The following FHIT variants were observed in gnomAD, a reference collection of about 807,000 sequenced individuals.
FHIT encodes bis(5'-adenosyl)-triphosphatase.
Under a neutral mutation model 17.9 loss-of-function variants are expected in FHIT, and 19 were observed. The ratio of observed to expected loss-of-function variants is 1.06; its 90% CI spans 0.74 to 1.56. The LOEUF (loss-of-function observed/expected upper bound fraction) is 1.56, where lower values mean the gene tolerates loss of function less well. FHIT is among the 40% of genes most tolerant of loss of function. The pLI, the probability that FHIT is intolerant of heterozygous loss-of-function variation, is 0.00. For synonymous variants in FHIT, 81 were observed against 69.7 expected (o/e 1.16, Z -0.81); for missense variants, 248 against 189.2 (o/e 1.31, Z -1.82).
chr3:60,792,576 T>C (rs1377686271), intron 4 of FHIT, among the ~76,000 whole-genome samples: 1 of 152,234 alleles, frequency 6.6e-6, no homozygotes, highest in African/African-American at 2.4e-5. Context: ...AGCAGACCTG[T>C]TGCCAGTGAG....
intron 4 of FHIT, among the ~76,000 whole-genome samples, chr3:60,746,975 T>C (rs782374565): frequency 6.6e-6 from 1 of 152,186 alleles, no homozygotes; most frequent in East Asian, 1.9e-4. Flanking sequence ...TTATTGAACC[T>C]ACCAGATGTA....
intron 8 of FHIT, among the ~76,000 whole-genome samples, chr3:59,839,323 A>G (rs929393576): frequency 1.3e-4 from 19 of 151,948 alleles, no homozygotes; most frequent in Admixed American, 6.6e-5. Flanking sequence ...ATTTTCAAAA[A>G]AAAAAAAACA....
intron 5 of FHIT, among the ~76,000 whole-genome samples, chr3:60,202,019 C>A (rs935703977): frequency 5.9e-5 from 9 of 152,074 alleles, no homozygotes; most frequent in Admixed American, 1.3e-4. Context: ...ACTCCAGGAA[C>A]AAAGAGGAGA....
intron 5 of FHIT, among the ~76,000 whole-genome samples, chr3:60,290,171 C>T (rs1378109765): frequency 1.3e-5 from 2 of 152,042 alleles, no homozygotes; most frequent in Non-Finnish European, 2.9e-5. Flanking sequence ...AGCACATACC[C>T]TAAGCTAGAA....
At chr3:60,522,273 GC>G (rs2107568053) in intron 5 of FHIT, among the ~76,000 whole-genome samples, 1 of 152,110 alleles carries the variant, frequency 6.6e-6, no homozygotes, top group African/African-American at 2.4e-5. Context: ...AGCACACCTG[GC>G]TAAGTTTTGC....
intron 5 of FHIT, among the ~76,000 whole-genome samples, chr3:60,462,729 A>C (rs1012766073): frequency 1.3e-5 from 2 of 152,172 alleles, no homozygotes; most frequent in African/African-American, 4.8e-5. Flanking sequence ...GCGGACAAGG[A>C]AAGACAGGAA....
intron 5 of FHIT, among the ~76,000 whole-genome samples, chr3:60,172,638 G>C (rs889159228): frequency 2.6e-5 from 4 of 151,966 alleles, no homozygotes; most frequent in African/African-American, 9.7e-5. Flanking sequence ...AAAAATGTTG[G>C]GAAAACGGAA....
Position 61,223,597 on chromosome 3 carries a change from A to G in FHIT, c.-212-22932T>C, listed in dbSNP as rs150078575. On this transcript the variant is annotated intron_variant, in intron 1 of 9. Transcript: ENST00000492590. The stretch of plus-strand genomic sequence containing the variant: ...AAACATTTTTGCAAGGCATCCAATA[A>G]TGTGCAAAGTACACAAGAGTTGGAA... Among the ~76,000 whole-genome samples the G allele has an allele frequency of 8.5e-5, 13 of 152,330 alleles. No individual in the cohort carries two copies. In the South Asian group the frequency reaches 2.7e-3, roughly 32 times the overall value.
Position 60,536,708 on chromosome 3 carries a change from A to C in FHIT, c.103+152T>G, listed in dbSNP as rs189808343. On this transcript the variant is annotated intron_variant, in intron 5 of 9. Coordinates refer to ENST00000492590, the MANE Select transcript of FHIT (RefSeq NM_002012.4). Reference sequence around the variant, plus strand: ...TGGATTCAGAATAAATATGAGTAACATCTTACCTGGTGTCTCCGAAGTGGG... The same window carrying C: ...TGGATTCAGAATAAATATGAGTAACCTCTTACCTGGTGTCTCCGAAGTGGG... The C allele has an allele frequency of 4.2e-6, 3 of 716,348 alleles. No homozygotes were observed. In the East Asian group the frequency reaches 8.7e-5, roughly 21 times the overall value. The allele number at this position is 716,348 out of a possible 1,614,324, so 44.4% of individuals were successfully genotyped here. A position where few individuals can be genotyped will look rare whatever the true frequency, so the allele number is the denominator to read the frequency against.
chr3:60,878,207 C>T (rs1433536614), intron 3 of FHIT, among the ~76,000 whole-genome samples: 2 of 152,024 alleles, frequency 1.3e-5, no homozygotes, highest in African/African-American at 4.8e-5. Context: ...TAGATTCTGG[C>T]TCTGTGGGAA....
At chr3:59,885,295 GAA>G (rs879281062) in intron 8 of FHIT, among the ~76,000 whole-genome samples, 4,394 of 152,222 alleles carry the variant, frequency 0.029, 79 homozygotes, top group South Asian at 0.08. Context: ...AAATATTGCT[GAA>G]GAAACAGGAA....
chr3:61,104,306 T>A (rs1426232920), intron 2 of FHIT, among the ~76,000 whole-genome samples: 1 of 152,182 alleles, frequency 6.6e-6, no homozygotes, highest in East Asian at 1.9e-4. Context: ...AAAAGGATCT[T>A]ATTTCTCCTT....
At chr3:60,930,204 C>A (rs1318605972) in intron 3 of FHIT, among the ~76,000 whole-genome samples, 1 of 152,028 alleles carries the variant, frequency 6.6e-6, no homozygotes, top group Non-Finnish European at 1.5e-5. Context: ...ATACCTTATA[C>A]AAAAATTAAT....
chr3:60,264,275 G>A (rs779049296), intron 5 of FHIT, among the ~76,000 whole-genome samples: 1 of 151,938 alleles, frequency 6.6e-6, no homozygotes, highest in Non-Finnish European at 1.5e-5. Context: ...TGATAAAGCA[G>A]CAAAGTCAAA....
intron 5 of FHIT, among the ~76,000 whole-genome samples, chr3:60,346,776 T>G (rs1036083945): frequency 6.6e-6 from 1 of 152,186 alleles, no homozygotes; most frequent in African/African-American, 2.4e-5. Context: ...ACCTACATCC[T>G]TTTATTAAGG....
intron 4 of FHIT, among the ~76,000 whole-genome samples, chr3:60,657,378 C>T (rs1303556628): frequency 5.9e-5 from 9 of 152,140 alleles, no homozygotes; most frequent in Non-Finnish European, 1.2e-4. Context: ...ATAGATCCCC[C>T]TTGGGAAACA....
At chr3:60,919,695 G>A (rs943439407) in intron 3 of FHIT, among the ~76,000 whole-genome samples, 2 of 152,096 alleles carry the variant, frequency 1.3e-5, no homozygotes, top group South Asian at 2.1e-4. Context: ...CCAGGTCTTC[G>A]AATACTTTAC....
intron 4 of FHIT, among the ~76,000 whole-genome samples, chr3:60,639,694 G>A (rs1375554742): frequency 6.6e-6 from 1 of 152,116 alleles, no homozygotes. Flanking sequence ...AACACTAAAA[G>A]GAACTAAAGG....
chr3:60,601,923 A>C (rs1187670357), intron 4 of FHIT, among the ~76,000 whole-genome samples: 3 of 79,414 alleles, frequency 3.8e-5, no homozygotes, highest in African/African-American at 8.5e-5. Flanking sequence ...CATTAGAAAC[A>C]GAAATAGAAA....
Sources: gnomAD v4.1 joint callset for allele counts (sites outside exome capture counted in the v4.1 genomes callset) on GRCh38, gnomAD v4.1.1 for gene constraint, MANE v1.5 for transcripts, NCBI Gene and HGNC (gene_info 2026-07-23, HGNC 2026-07-21) for gene names.